POLR2F: variants seen among roughly 807,000 people sequenced by gnomAD.
POLR2F encodes RNA polymerase II, I and III subunit F.
A neutral mutation model predicts 22.7 loss-of-function variants in POLR2F; 12 were observed. That is an observed-to-expected ratio of 0.53 (90% CI 0.34 to 0.86). POLR2F has a LOEUF of 0.86. Ranked by LOEUF, POLR2F falls within the 40% of genes least tolerant of loss-of-function variation. The pLI is 0.02. For synonymous variants in POLR2F, 57 were observed against 66.0 expected (o/e 0.86, Z 0.66); for missense variants, 126 against 171.5 (o/e 0.73, Z 1.48).
intron 1 of POLR2F, among the ~76,000 whole-genome samples, chr22:38,023,750 G>T (rs1316032836): frequency 6.6e-6 from 1 of 151,788 alleles, no homozygotes; most frequent in Admixed American, 6.6e-5. Flanking sequence ...TTGGCTCACT[G>T]CAACCTCTGC....
Position 38,016,769 on chromosome 22 carries a change from G to A in POLR2F, c.121-9100G>A, listed in dbSNP as rs1025808525. ...CGGGAGGGGGCCGCCGTCAATGCCC[G>A]CATTGTCCCCGCGCTTTTTGTTTCT... On this transcript the variant is annotated intron_variant, in intron 1 of 2. Coordinates refer to the POLR2F transcript ENST00000333418. The surrounding 1 kb of genome is among the most constrained non-coding windows in gnomAD (Gnocchi z 4.4). Among the ~76,000 whole-genome samples, 10 of 151,858 alleles carry A rather than the reference G, an allele frequency of 6.6e-5. No individual in the cohort carries two copies. The highest frequency in any genetic ancestry group is 1.0e-4 in the Non-Finnish European group (7 of 67,936).
At chr22:37,971,298 T>A (rs1932043544), downstream of POLR2F, 5 of 470,942 alleles carry the variant, frequency 1.1e-5, no homozygotes, top group Non-Finnish European at 2.2e-5. Flanking sequence ...AGTTTCCCCA[T>A]CTGGAAAATT....
chr22:37,998,988 G>A (rs1601898657), intron 1 of POLR2F, among the ~76,000 whole-genome samples: 2 of 151,228 alleles, frequency 1.3e-5, no homozygotes, highest in African/African-American at 4.9e-5. Context: ...CCACAGATGC[G>A]CCCCCGTCCC....
At chr22:37,967,054 T>G (rs1472975946) in intron 3 of POLR2F, 45 bp from the exon 4 acceptor site, 2 of 1,449,280 alleles carry the variant, frequency 1.4e-6, no homozygotes, top group Non-Finnish European at 1.9e-6. Context: ...TGGGCCCTTC[T>G]CCCTGGGTTT....
At chr22:37,958,379 G>A (rs545310123) in intron 2 of POLR2F, 2 of 150,110 alleles carry the variant, frequency 1.3e-5, no homozygotes, top group Non-Finnish European at 3.0e-5. Context: ...TGTAGTTTTA[G>A]TAGTGACGGG....
Position 37,967,808 on chromosome 22 carries a change from TC to T in POLR2F, c.*97del. 1 of 1,495,564 alleles carries T rather than the reference TC, an allele frequency of 6.7e-7. No homozygotes were observed. Among genetic ancestry groups the T allele is most frequent in the East Asian group, 2.4e-5 (1 of 41,292 alleles). 92.6% of individuals were successfully genotyped at this position (1,495,564 alleles called of 1,614,324 possible). A position where few individuals can be genotyped will look rare whatever the true frequency, so the allele number is the denominator to read the frequency against. ...AAAATATTCAACTTTCCAACCCCCT[TC>T]CCCTCTGCTTATCTGCAATGTCACC... On this transcript the variant is annotated 3_prime_UTR_variant, in exon 5 of 5. Coordinates refer to ENST00000442738, the MANE Select transcript of POLR2F (RefSeq NM_021974.5).
downstream of POLR2F, among the ~76,000 whole-genome samples, chr22:37,971,580 C>A (rs1203506010): frequency 6.6e-6 from 1 of 152,140 alleles, no homozygotes; most frequent in African/African-American, 2.4e-5. Flanking sequence ...AGTAGACTGT[C>A]TGACATCCTT....
downstream of POLR2F, among the ~76,000 whole-genome samples, chr22:38,029,047 C>T (rs1327600461): frequency 2.6e-5 from 4 of 152,010 alleles, no homozygotes; most frequent in African/African-American, 9.7e-5. Flanking sequence ...AAGAGAACAC[C>T]CTGAAAAAGG....
In POLR2F at chr22:37,965,941, T is replaced by C. The variant is rs151179130; in HGVS notation, c.222-1158T>C. On this transcript the variant is annotated intron_variant, in intron 3 of 4. Coordinates refer to ENST00000442738, the MANE Select transcript of POLR2F (RefSeq NM_021974.5). ...CTTCCTAGAGGAGATGGGCCTAGAA[T>C]TGGCATCCCTTTGCTTGGTGGTAGA... is the stretch of plus-strand genomic sequence containing the variant. 7.1e-3 allele frequency among the ~76,000 whole-genome samples: 1,084 copies of C among 152,288 alleles called. 6 individuals carry two copies. Among genetic ancestry groups the C allele is most frequent in the South Asian group, 0.016 (77 of 4,818 alleles).
At chr22:38,031,464 A>G (rs1254061843), downstream of POLR2F, among the ~76,000 whole-genome samples, 1 of 152,060 alleles carries the variant, frequency 6.6e-6, no homozygotes, top group Non-Finnish European at 1.5e-5. This position sits in a 1 kb window ranked among gnomAD's most constrained non-coding sequence, Gnocchi z 4.1. Flanking sequence ...TGTCTCCTCC[A>G]TGGAACAGTG....
chr22:38,036,920 C>T (rs2085121917), intron 5 of POLR2F, among the ~76,000 whole-genome samples: 1 of 152,174 alleles, frequency 6.6e-6, no homozygotes, highest in Admixed American at 6.5e-5. Context: ...GACATCCTTC[C>T]TCTCTTCTTT....
chr22:38,020,232 CACAT>C (rs901712689), intron 1 of POLR2F, among the ~76,000 whole-genome samples: 19 of 148,322 alleles, frequency 1.3e-4, no homozygotes, highest in African/African-American at 4.8e-4. Context: ...CACACACACA[CACAT>C]ACATATATAT....
intron 5 of POLR2F, chr22:38,032,025 T>A (rs1393334000): frequency 6.6e-6 from 1 of 152,020 alleles, no homozygotes; most frequent in African/African-American, 2.4e-5. Context: ...TGAGACAGGG[T>A]CTTGCTCCGT....
At chr22:38,039,168 A>G (rs1240959369) in intron 5 of POLR2F, among the ~76,000 whole-genome samples, 2 of 152,194 alleles carry the variant, frequency 1.3e-5, no homozygotes, top group African/African-American at 4.8e-5. Flanking sequence ...CCCCTCCAGA[A>G]AGAGCCGTCT....
At chr22:38,012,589 C>CGTT (rs377450939) in intron 1 of POLR2F, among the ~76,000 whole-genome samples, 5 of 152,016 alleles carry the variant, frequency 3.3e-5, no homozygotes, top group Non-Finnish European at 5.9e-5. Context: ...CCATTAATGT[C>CGTT]GTTGTTGTTG....
intron 3 of POLR2F, among the ~76,000 whole-genome samples, chr22:37,962,127 AG>A (rs1263493844): frequency 1.3e-5 from 2 of 152,008 alleles, no homozygotes; most frequent in Non-Finnish European, 2.9e-5. Flanking sequence ...GCTACTCGGG[AG>A]GCTGACGTGG....
intron 3 of POLR2F, among the ~76,000 whole-genome samples, chr22:37,964,346 G>T (rs1931768048): frequency 6.6e-6 from 1 of 152,100 alleles, no homozygotes; most frequent in Non-Finnish European, 1.5e-5. Context: ...ACAGCCCAAG[G>T]AAAGGTCCAG....
At chr22:37,974,239 AGCAGGTTAGAG>A (rs201801866), downstream of POLR2F, 629 of 1,499,328 alleles carry the variant, frequency 4.2e-4, 2 homozygotes, top group East Asian at 0.013. The surrounding 1 kb of genome is among the most constrained non-coding windows in gnomAD (Gnocchi z 5.4). Context: ...GCAAGGGGGA[AGCAGGTTAGAG>A]GCAGGTGGGC....
At chr22:38,034,095 C>G (rs2085092154) in intron 5 of POLR2F, 1 of 168,370 alleles carries the variant, frequency 5.9e-6, no homozygotes, top group South Asian at 2.1e-4. Flanking sequence ...CCTCCCGACT[C>G]CCCTTGTCAG....
Sources: allele counts gnomAD v4.1 joint callset (sites outside exome capture counted in the v4.1 genomes callset), GRCh38; gene constraint gnomAD v4.1.1; non-coding constraint Gnocchi (gnomAD v3.1); transcripts MANE v1.5; gene names NCBI Gene and HGNC (gene_info 2026-07-23, HGNC 2026-07-21).